ARFGEF2: variants seen among roughly 807,000 people sequenced by gnomAD.
The protein encoded by ARFGEF2 is brefeldin A-inhibited guanine nucleotide-exchange protein 2.
Under a neutral mutation model 219.9 loss-of-function variants are expected in ARFGEF2, and 74 were observed. That is an observed-to-expected ratio of 0.34 (90% CI 0.28 to 0.41). The LOEUF (loss-of-function observed/expected upper bound fraction) is 0.41. Ranked by LOEUF, ARFGEF2 falls within the 10% of genes least tolerant of loss-of-function variation. The probability of loss-of-function intolerance (pLI) is 1.00; values close to 1 mark genes in which losing one functional copy is unlikely to be tolerated. For missense variants in ARFGEF2, 1,743 were observed against 2,218.3 expected, an observed-to-expected ratio of 0.79 and a Z score of 4.30; for synonymous variants, 733 against 799.2, an observed-to-expected ratio of 0.92 and a Z score of 1.40.
rs1307700417 is a variant in ARFGEF2 at position 48,941,192 on chromosome 20, T to G, written c.122-7T>G. On this transcript the variant is annotated splice_region_variant and splice_polypyrimidine_tract_variant and intron_variant, in intron 1 of 38. Transcript: ENST00000371917. The stretch of plus-strand genomic sequence containing the variant: ...TCCTAATGTGTTTTTTCTTCCTTCC[T>G]TACCAGATGAAATTAAAGCAGAAAT... The G allele has an allele frequency of 6.2e-7, 1 of 1,612,892 alleles. No individual in the cohort carries two copies.
At chr20:48,958,293 G>A (rs2091117247) in intron 6 of ARFGEF2, among the ~76,000 whole-genome samples, 1 of 152,204 alleles carries the variant, frequency 6.6e-6, no homozygotes, top group South Asian at 2.1e-4. Context: ...TAAGGAAACT[G>A]AGGCTTGGGG....
chr20:48,962,568 A>T (rs1424847418), intron 6 of ARFGEF2, among the ~76,000 whole-genome samples: 2 of 152,260 alleles, frequency 1.3e-5, no homozygotes, highest in African/African-American at 2.4e-5. Context: ...AGTTTGAGTA[A>T]CAGTGATCTA....
chr20:48,977,754 C>T (rs187271046), intron 14 of ARFGEF2, among the ~76,000 whole-genome samples: 14 of 152,190 alleles, frequency 9.2e-5, no homozygotes, highest in African/African-American at 2.6e-4. Context: ...TTCATGTGTC[C>T]GTTGGCTACA....
intron 6 of ARFGEF2, among the ~76,000 whole-genome samples, chr20:48,955,913 A>G (rs1041813674): frequency 9.9e-5 from 15 of 152,194 alleles, no homozygotes; most frequent in African/African-American, 3.6e-4. Flanking sequence ...GCTCCAGCCT[A>G]GGCAACAAAA....
intron 1 of ARFGEF2, among the ~76,000 whole-genome samples, chr20:48,938,955 T>G: frequency 6.6e-6 from 1 of 151,734 alleles, no homozygotes. Context: ...TTGTGTTTGG[T>G]TTGTTTTATG....
intron 34 of ARFGEF2, among the ~76,000 whole-genome samples, chr20:49,020,224 C>T (rs2091557852): frequency 6.6e-6 from 1 of 152,220 alleles, no homozygotes; most frequent in Non-Finnish European, 1.5e-5. Flanking sequence ...CAGTCCCACC[C>T]TGTCCTCAAC....
chr20:49,002,318 G>A (rs946800802), intron 25 of ARFGEF2, among the ~76,000 whole-genome samples: 3 of 152,076 alleles, frequency 2.0e-5, no homozygotes, highest in Non-Finnish European at 4.4e-5. Flanking sequence ...GTAGTGTTAG[G>A]TACACTCACA....
intron 15 of ARFGEF2, 89 bp from the exon 16 acceptor site, chr20:48,985,319 G>A: frequency 7.1e-7 from 1 of 1,399,940 alleles, no homozygotes; most frequent in Non-Finnish European, 1.0e-6. Context: ...TTAGGGCCAG[G>A]CTATTCTGAC....
At chr20:48,926,198 TATGA>T (rs1445101569) in intron 1 of ARFGEF2, among the ~76,000 whole-genome samples, 1 of 152,190 alleles carries the variant, frequency 6.6e-6, no homozygotes, top group Non-Finnish European at 1.5e-5. Flanking sequence ...TGCTTCTCCA[TATGA>T]AAGTTGTTAT....
At chr20:49,023,527 T>G (rs1179417676) in intron 35 of ARFGEF2, among the ~76,000 whole-genome samples, 1 of 63,590 alleles carries the variant, frequency 1.6e-5, no homozygotes, top group African/African-American at 1.1e-4. Context: ...TTTCTGGTTT[T>G]TTTTTTTTTG....
intron 25 of ARFGEF2, among the ~76,000 whole-genome samples, chr20:49,000,130 G>C (rs371021884): frequency 4.6e-5 from 7 of 152,320 alleles, no homozygotes; most frequent in African/African-American, 1.2e-4. Context: ...ATTACCTCTT[G>C]TGGACAGGTG....
intron 1 of ARFGEF2, among the ~76,000 whole-genome samples, chr20:48,923,058 G>A (rs770782478): frequency 1.3e-5 from 2 of 152,158 alleles, no homozygotes; most frequent in African/African-American, 2.4e-5. Flanking sequence ...AAGTAATCAG[G>A]TGGTCAGGAA....
At position 48,973,159 on chromosome 20, in the gene ARFGEF2, G is replaced by T; in HGVS notation, c.1540G>T (p.Val514Leu). The T allele has an allele frequency of 6.2e-7, 1 of 1,614,166 alleles. No individual in the cohort carries two copies. Reference sequence around the variant, plus strand: ...TATTTTCCAAGATGCCCAGTGTGTTGTGGATATTTATGTCAACTACGACTG... The same window carrying T: ...TATTTTCCAAGATGCCCAGTGTGTTTTGGATATTTATGTCAACTACGACTG... ...TRICADAQCVVDIYVNYDCDL... is the reference protein window; with the variant it reads ...TRICADAQCVLDIYVNYDCDL... Residue 514 changes from valine (V) to leucine (L), a missense_variant, in exon 12 of 39, where the codon GTG becomes TTG. By Grantham distance (32) the Val-to-Leu change is conservative. Around this residue, in one of 5 missense-constraint regions of ARFGEF2, gnomAD observed 666 missense variants for 955.4 expected, o/e 0.70. Coordinates refer to ENST00000371917, the MANE Select transcript of ARFGEF2 (RefSeq NM_006420.3).
rs1198528025 is a variant in ARFGEF2 at position 48,969,252 on chromosome 20, C to T, written c.1165C>T (p.Leu389Phe). 2.5e-6 allele frequency: 4 copies of T among 1,614,240 alleles called. No homozygotes were observed. Among genetic ancestry groups the T allele is most frequent in the South Asian group, 1.1e-5 (1 of 91,086 alleles). ...CCTGTGCAAGCTGTCCATGAAACCC[C>T]TTGGTGAAGGCCCTCCAGACCCAAA... ...RSLCKLSMKP[L>F]GEGPPDPKSH... Residue 389 changes from leucine (L) to phenylalanine (F), a missense_variant, in exon 9 of 39, where the codon CTT (leucine) becomes TTT (phenylalanine). Transcript: ENST00000371917.
intron 14 of ARFGEF2, among the ~76,000 whole-genome samples, chr20:48,982,771 C>T (rs2091304488): frequency 6.6e-6 from 1 of 152,182 alleles, no homozygotes; most frequent in South Asian, 2.1e-4. Flanking sequence ...CAGCAGTGAG[C>T]AAGGCTCCGT....
At chr20:49,005,824 G>T (rs1178030552) in intron 26 of ARFGEF2, among the ~76,000 whole-genome samples, 1 of 151,584 alleles carries the variant, frequency 6.6e-6, no homozygotes, top group African/African-American at 2.4e-5. Flanking sequence ...AAGAGCCACT[G>T]CAGAAGCATC....
intron 36 of ARFGEF2, among the ~76,000 whole-genome samples, chr20:49,025,907 G>A (rs767833701): frequency 5.3e-5 from 8 of 151,846 alleles, no homozygotes; most frequent in Non-Finnish European, 8.8e-5. Flanking sequence ...GCTTGTACCC[G>A]GAAGGCGGAG....
rs2091274694 is a variant in ARFGEF2 at position 48,978,259 on chromosome 20, G to A, written c.1958+2060G>A. Among the ~76,000 whole-genome samples, 11 of 152,196 alleles carry A rather than the reference G, an allele frequency of 7.2e-5. No homozygotes were observed. The South Asian group carries it at 2.3e-3, about 32-fold the overall frequency. Reference sequence around the variant, plus strand: ...AATCCTTTCCCCATTTCTTGTTTTTGTCAGGTTTGTCAAAGATCAGATGGT... The same window carrying A: ...AATCCTTTCCCCATTTCTTGTTTTTATCAGGTTTGTCAAAGATCAGATGGT... On this transcript the variant is annotated intron_variant, in intron 14 of 38. Coordinates refer to ENST00000371917, the MANE Select transcript of ARFGEF2 (RefSeq NM_006420.3).
At position 48,952,942 on chromosome 20, in the gene ARFGEF2, A is replaced by G. The variant is rs971664447; in HGVS notation, c.603+58A>G. On this transcript the variant is annotated intron_variant, in intron 5 of 38. Transcript: ENST00000371917. ...ACATCATTGCTCTCTGAACTCTATC[A>G]TGTGTGACCTTGGTGCCTGTGAAGA... The G allele has an allele frequency of 8.3e-6, 13 of 1,568,644 alleles. No homozygotes were observed. In the East Asian group the frequency reaches 2.5e-4, roughly 30 times the overall value.
Sources: gnomAD v4.1 joint callset for allele counts (sites outside exome capture counted in the v4.1 genomes callset) on GRCh38, gnomAD v4.1.1 for gene constraint, gnomAD v4.1.1 regional missense constraint, MANE v1.5 for transcripts, NCBI Gene and HGNC (gene_info 2026-07-23, HGNC 2026-07-21) for gene names.